The following HSD11B1 variants were observed in gnomAD, a reference collection of about 807,000 sequenced individuals.
HSD11B1 encodes the protein 11-beta-hydroxysteroid dehydrogenase 1.
Under a neutral mutation model 22.1 loss-of-function variants are expected in HSD11B1, and 15 were observed. The ratio of observed to expected loss-of-function variants is 0.68; its 90% CI spans 0.45 to 1.04. HSD11B1 has a LOEUF of 1.04. Among genes scored for constraint, HSD11B1 ranks in the 50% least tolerant of loss-of-function variants. The probability of loss-of-function intolerance (pLI) is 0.00; values close to 1 mark genes in which losing one functional copy is unlikely to be tolerated. For missense variants in HSD11B1, 281 were observed against 357.6 expected, an observed-to-expected ratio of 0.79 and a Z score of 1.73; for synonymous variants, 122 against 125.2, an observed-to-expected ratio of 0.97 and a Z score of 0.17.
At chr1:209,699,112 G>A (rs1173455235) in intron 1 of HSD11B1, among the ~76,000 whole-genome samples, 1 of 152,136 alleles carries the variant, frequency 6.6e-6, no homozygotes, top group Non-Finnish European at 1.5e-5. Flanking sequence ...AGAACAGGAG[G>A]AAGGGAAGGA....
intron 4 of HSD11B1, among the ~76,000 whole-genome samples, chr1:209,716,399 T>C (rs1461879576): frequency 6.8e-6 from 1 of 147,974 alleles, no homozygotes; most frequent in African/African-American, 2.5e-5. Context: ...GGAAAAACTA[T>C]AAAACACCCA....
chr1:209,721,659 C>A lies in HSD11B1; in HGVS notation c.518-10777C>A, dbSNP rs2076968000. On this transcript the variant is annotated intron_variant, in intron 4 of 5. Transcript: ENST00000367027. ...CTCTAGCTCATTATTTTCAGTTCAG[C>A]TTTCTTCTCAGTTCCTAGGCTTCAA... is the stretch of plus-strand genomic sequence containing the variant. Among the ~76,000 whole-genome samples the A allele has an allele frequency of 2.0e-5, 3 of 152,092 alleles. No individual in the cohort carries two copies. In the South Asian group the frequency reaches 6.2e-4, roughly 32 times the overall value.
At chr1:209,694,952 A>G (rs1398045327) in intron 1 of HSD11B1, among the ~76,000 whole-genome samples, 1 of 152,194 alleles carries the variant, frequency 6.6e-6, no homozygotes, top group African/African-American at 2.4e-5. Context: ...TCCAAATCTC[A>G]TCTCAAATTG....
rs76557741 is a variant in HSD11B1, at chr1:209,728,988, G to C, written c.518-3448G>C. On this transcript the variant is annotated intron_variant, in intron 4 of 5. Transcript: ENST00000367027. ...TTTCTTTTGGCACATGGGCTGCATA[G>C]AAGTGAGGATAACTATCAATAAGAA... 5.7e-3 allele frequency among the ~76,000 whole-genome samples: 866 copies of C among 152,282 alleles called. 4 individuals carry two copies. Among genetic ancestry groups the C allele is most frequent in the Non-Finnish European group, 9.5e-3 (645 of 68,028 alleles).
chr1:209,713,236 T>C (rs1374267581), intron 4 of HSD11B1, among the ~76,000 whole-genome samples: 2 of 152,234 alleles, frequency 1.3e-5, no homozygotes, highest in Non-Finnish European at 2.9e-5. Flanking sequence ...TATATATTTA[T>C]ATTTATATCT....
intron 4 of HSD11B1, among the ~76,000 whole-genome samples, chr1:209,711,590 G>T (rs527852790): frequency 6.6e-6 from 1 of 152,130 alleles, no homozygotes; most frequent in South Asian, 2.1e-4. Context: ...CTGTGTGTTG[G>T]GGGGATGGGT....
At chr1:209,699,867 A>G (rs2076816165), upstream of HSD11B1, among the ~76,000 whole-genome samples, 1 of 152,232 alleles carries the variant, frequency 6.6e-6, no homozygotes, top group African/African-American at 2.4e-5. Context: ...AAGGGGTTAC[A>G]GGGCCCATGC....
At chr1:209,708,845 T>G (rs1174172560) in intron 4 of HSD11B1, among the ~76,000 whole-genome samples, 1 of 152,234 alleles carries the variant, frequency 6.6e-6, no homozygotes, top group Non-Finnish European at 1.5e-5. Context: ...CTACACTTAT[T>G]GAATGACACT....
chr1:209,699,103 G>A (rs11805981), intron 1 of HSD11B1, among the ~76,000 whole-genome samples: 5,235 of 152,190 alleles, frequency 0.034, 121 homozygotes, highest in African/African-American at 0.055. Context: ...TGAGGGAGGA[G>A]AACAGGAGGA....
intron 4 of HSD11B1, among the ~76,000 whole-genome samples, chr1:209,711,743 G>A (rs965723297): frequency 4.6e-5 from 7 of 152,126 alleles, no homozygotes; most frequent in Non-Finnish European, 7.4e-5. Context: ...TATAATCATT[G>A]TTGTCTAAAT....
At chr1:209,714,097 C>T (rs1311997449) in intron 4 of HSD11B1, among the ~76,000 whole-genome samples, 1 of 152,208 alleles carries the variant, frequency 6.6e-6, no homozygotes, top group Admixed American at 6.5e-5. Flanking sequence ...GATGCCAAGG[C>T]TATGGCAGGG....
Position 209,706,557 on chromosome 1 carries a change from T to A in HSD11B1, c.220-152T>A, listed in dbSNP as rs2076860143. On this transcript the variant is annotated intron_variant, in intron 2 of 5. Coordinates refer to ENST00000367027, the MANE Select transcript of HSD11B1 (RefSeq NM_005525.4). This position sits in a 1 kb window ranked among gnomAD's most constrained non-coding sequence, Gnocchi z 4.0. ...AGACAGAGGACGATGATCATGAGGG[T>A]TATATTAGGCAACACACACACAAAC... 2 of 727,832 alleles carry A rather than the reference T, an allele frequency of 2.7e-6. No individual in the cohort carries two copies. Among genetic ancestry groups the A allele is most frequent in the African/African-American group, 1.7e-5 (1 of 57,968 alleles). 45.1% of individuals were successfully genotyped at this position (727,832 alleles called of 1,614,324 possible). A position where few individuals can be genotyped will look rare whatever the true frequency, so the allele number is the denominator to read the frequency against.
chr1:209,730,240 G>A (rs967265793), intron 4 of HSD11B1, among the ~76,000 whole-genome samples: 32 of 152,198 alleles, frequency 2.1e-4, no homozygotes, highest in African/African-American at 7.0e-4. Flanking sequence ...TAATAGTTTA[G>A]GGCTGCTTTT....
At position 209,706,076 on chromosome 1, in the gene HSD11B1, T is replaced by C; in HGVS notation, c.219+135T>C. 1 of 1,144,222 alleles carries C rather than the reference T, an allele frequency of 8.7e-7. No individual in the cohort carries two copies. Among genetic ancestry groups the C allele is most frequent in the South Asian group, 1.3e-5 (1 of 76,646 alleles). The allele number at this position is 1,144,222 out of a possible 1,614,324, so 70.9% of individuals were successfully genotyped here. A position where few individuals can be genotyped will look rare whatever the true frequency, so the allele number is the denominator to read the frequency against. On this transcript the variant is annotated intron_variant, in intron 2 of 5. Coordinates refer to ENST00000367027, the MANE Select transcript of HSD11B1 (RefSeq NM_005525.4). The surrounding 1 kb of genome is among the most constrained non-coding windows in gnomAD (Gnocchi z 4.0). ...CACATGCACACACACAGACACTTAA[T>C]TTTGCACTCTCATATATAGATTCAA...
intron 1 of HSD11B1, among the ~76,000 whole-genome samples, chr1:209,688,646 G>C (rs1417120404): frequency 1.3e-5 from 2 of 152,126 alleles, no homozygotes; most frequent in Non-Finnish European, 2.9e-5. Context: ...TAACTTGGGG[G>C]TAAGTAGAAG....
chr1:209,724,841 CTCTCT>C (rs979903051), intron 4 of HSD11B1, among the ~76,000 whole-genome samples: 1 of 152,120 alleles, frequency 6.6e-6, no homozygotes, highest in African/African-American at 2.4e-5. Flanking sequence ...GAAGATTTTT[CTCTCT>C]TCTCTTCATT....
intron 1 of HSD11B1, among the ~76,000 whole-genome samples, chr1:209,690,889 G>C (rs552135387): frequency 1.3e-5 from 2 of 152,126 alleles, no homozygotes; most frequent in African/African-American, 4.8e-5. Context: ...CAGAGCAAAT[G>C]AAAGAGAATA....
chr1:209,731,019 G>A (rs1295930307), intron 4 of HSD11B1, among the ~76,000 whole-genome samples: 1 of 152,208 alleles, frequency 6.6e-6, no homozygotes, highest in Non-Finnish European at 1.5e-5. Flanking sequence ...CCCAATCAGT[G>A]CCATATCTGG....
At chr1:209,705,372 CAAAAAAAA>C (rs5780533) in intron 1 of HSD11B1, among the ~76,000 whole-genome samples, 1 of 83,050 alleles carries the variant, frequency 1.2e-5, no homozygotes, top group Non-Finnish European at 2.6e-5. Flanking sequence ...AAGTGGGAGG[CAAAAAAAA>C]AAAAAAAAAA....
Sources: allele counts gnomAD v4.1 joint callset (sites outside exome capture counted in the v4.1 genomes callset), GRCh38; gene constraint gnomAD v4.1.1; non-coding constraint Gnocchi (gnomAD v3.1); transcripts MANE v1.5; gene names NCBI Gene and HGNC (gene_info 2026-07-23, HGNC 2026-07-21).